TTLL6: variants seen among roughly 807,000 people sequenced by gnomAD.
TTLL6 encodes the protein tubulin polyglutamylase TTLL6.
TTLL6 carries 75 observed loss-of-function variants against 96.4 expected under a neutral mutation model. The observed-to-expected ratio is 0.78, with a 90% CI of 0.65 to 0.94. TTLL6 has a LOEUF of 0.94. Ranked by LOEUF, TTLL6 falls within the 40% of genes least tolerant of loss-of-function variation. The probability of loss-of-function intolerance (pLI) is 0.00; values close to 1 mark genes in which losing one functional copy is unlikely to be tolerated. For missense variants in TTLL6, 1,030 were observed against 1,093.0 expected, an observed-to-expected ratio of 0.94 and a Z score of 0.81; for synonymous variants, 411 against 419.4, an observed-to-expected ratio of 0.98 and a Z score of 0.24.
chr17:48,778,066 C>T (rs1368704884), intron 13 of TTLL6, among the ~76,000 whole-genome samples: 12 of 152,092 alleles, frequency 7.9e-5, no homozygotes, highest in Admixed American at 7.9e-4. Flanking sequence ...CACTTGAGGT[C>T]AGGGGTTCAA....
Position 48,769,235 on chromosome 17 carries a change from C to A in TTLL6, c.2430G>T (p.Gly810=). The part of the protein sequence containing the change: ...NNLSQNPSLP[G]ECHSRSDSSG... ...AGCTGTCACTGCGGGAGTGGCACTC[C>A]CCAGGCAGGGAGGGGTTTTCTGGAA... Residue 810 remains glycine, a synonymous_variant, in exon 15 of 16, where the codon GGG becomes GGT. Transcript: ENST00000393382. The A allele has an allele frequency of 6.2e-7, 1 of 1,605,292 alleles. No individual in the cohort carries two copies. The highest frequency in any genetic ancestry group is 1.1e-5 in the South Asian group (1 of 90,682).
At chr17:48,814,936 G>A (rs566306966) in intron 1 of TTLL6, among the ~76,000 whole-genome samples, 2 of 152,166 alleles carry the variant, frequency 1.3e-5, no homozygotes, top group East Asian at 1.9e-4. Flanking sequence ...GCACCACCAC[G>A]CCTGGCTAAT....
intron 6 of TTLL6, among the ~76,000 whole-genome samples, chr17:48,798,652 T>C (rs1272251805): frequency 6.6e-6 from 1 of 151,832 alleles, no homozygotes; most frequent in Non-Finnish European, 1.5e-5. Context: ...GGTGGGAGGA[T>C]TGCATGAACT....
chr17:48,806,193 G>A (rs1027535860), intron 1 of TTLL6: 1 of 151,130 alleles, frequency 6.6e-6, no homozygotes, highest in African/African-American at 2.4e-5. Context: ...AGAATCGCTT[G>A]AACCAGAAGG....
intron 11 of TTLL6, among the ~76,000 whole-genome samples, 153 bp from the exon 12 acceptor site, chr17:48,786,488 C>T (rs959615750): frequency 1.3e-5 from 2 of 152,188 alleles, no homozygotes; most frequent in Non-Finnish European, 2.9e-5. Flanking sequence ...GATTGAATGT[C>T]AAGGAGCAGG....
In TTLL6 at chr17:48,786,025, G is replaced by A. The variant is rs144603871; in HGVS notation, c.1761+139C>T. 1.4e-3 allele frequency: 1,778 copies of A among 1,291,106 alleles called. 28 individuals are homozygous for A. In the African/African-American group the frequency reaches 0.024, roughly 17 times the overall value. The allele number at this position is 1,291,106 out of a possible 1,614,324, so 80.0% of individuals were successfully genotyped here. On this transcript the variant is annotated intron_variant, in intron 12 of 15. Coordinates refer to ENST00000393382, the MANE Select transcript of TTLL6 (RefSeq NM_001130918.3). ...GTGTGCCTTCAGGGCTCCCCGCACCGCCCCGTCGTTGCCCAGCCCTCTGCA... is the reference window on the plus strand; with the variant it reads ...GTGTGCCTTCAGGGCTCCCCGCACCACCCCGTCGTTGCCCAGCCCTCTGCA...
chr17:48,806,983 T>C (rs1263902165), intron 1 of TTLL6, among the ~76,000 whole-genome samples: 2 of 151,966 alleles, frequency 1.3e-5, no homozygotes, highest in East Asian at 1.9e-4. Context: ...TGAGCCAAGA[T>C]TGCACTGTTG....
chr17:48,775,080 G>C (rs1331248639), intron 13 of TTLL6, among the ~76,000 whole-genome samples: 1 of 151,642 alleles, frequency 6.6e-6, no homozygotes, highest in Non-Finnish European at 1.5e-5. Context: ...CAAAGATCGT[G>C]CCACTGCACA....
intron 13 of TTLL6, among the ~76,000 whole-genome samples, chr17:48,782,523 T>G (rs1330889210): frequency 6.6e-6 from 1 of 152,200 alleles, no homozygotes; most frequent in Non-Finnish European, 1.5e-5. Flanking sequence ...GCCTTTACTG[T>G]GCAAAAGCTT....
intron 3 of TTLL6, among the ~76,000 whole-genome samples, chr17:48,802,213 C>T (rs1488989284): frequency 1.3e-5 from 2 of 152,068 alleles, no homozygotes; most frequent in Admixed American, 6.6e-5. Flanking sequence ...CAATGATCCC[C>T]GTAGAAGGTT....
In TTLL6 at chr17:48,801,596, C is replaced by G; in HGVS notation, c.409G>C (p.Asp137His). The change falls in exon 4 of 16, where the codon GAT becomes CAT. Residue 137 changes from aspartate (D) to histidine (H), a missense_variant. Physicochemically the swap from Asp to His is moderately conservative, Grantham distance 81. Transcript: ENST00000393382. The part of the protein sequence containing the change: ...QYGFREGGED[D>H]DWTLYWTDYS... Reference sequence around the variant, plus strand: ...TCTGTCCAATAGAGAGTCCAGTCATCGTCTTCCCCTCCCTCTCTAAAGCCG... The same window carrying G: ...TCTGTCCAATAGAGAGTCCAGTCATGGTCTTCCCCTCCCTCTCTAAAGCCG... 6.4e-7 allele frequency: 1 copy of G among 1,551,772 alleles called. No homozygotes were observed. The highest frequency in any genetic ancestry group is 8.7e-7 in the Non-Finnish European group (1 of 1,147,020).
At chr17:48,809,360 T>G (rs2039547884) in intron 1 of TTLL6, among the ~76,000 whole-genome samples, 1 of 152,188 alleles carries the variant, frequency 6.6e-6, no homozygotes, top group African/African-American at 2.4e-5. Context: ...GGTAAACGGC[T>G]AGCTCCACTC....
intron 1 of TTLL6, among the ~76,000 whole-genome samples, chr17:48,814,318 C>CA (rs398030988): frequency 0.53 from 27,713 of 52,750 alleles, 7,863 homozygotes; most frequent in East Asian, 0.89. Context: ...GACAGTGTCT[C>CA]AAAAAAAAAA....
intron 1 of TTLL6, chr17:48,815,420 T>C (rs982428486): frequency 1.3e-5 from 2 of 152,162 alleles, no homozygotes; most frequent in African/African-American, 4.8e-5. Flanking sequence ...TCAAATTGGA[T>C]GGGGGAAGAA....
At chr17:48,764,646 C>T (rs1177338552) in intron 15 of TTLL6, among the ~76,000 whole-genome samples, 2 of 152,128 alleles carry the variant, frequency 1.3e-5, no homozygotes, top group African/African-American at 4.8e-5. Context: ...TGTGCAGAAG[C>T]CCTCTTTTCA....
intron 8 of TTLL6, chr17:48,794,221 G>A (rs765361511): frequency 7.4e-6 from 12 of 1,614,064 alleles, no homozygotes; most frequent in East Asian, 2.2e-5. Context: ...CTGCTACCCC[G>A]AGACACCCCT....
chr17:48,804,892 T>TC lies in TTLL6; in HGVS notation c.202dup (p.Asp68GlyfsTer52). 6.4e-7 allele frequency: 1 copy of TC among 1,552,194 alleles called. No homozygotes were observed. Among genetic ancestry groups the TC allele is most frequent in the Non-Finnish European group, 8.7e-7 (1 of 1,147,090 alleles). ...TTCTTTTGGATCTTCTTTGGAACTG[T>TC]CCCCCTTCTCTTCGGAGTTTTCCCC... On this transcript the variant is annotated frameshift_variant, in exon 2 of 16. Transcript: ENST00000393382. LOFTEE classifies it high-confidence loss of function.
intron 1 of TTLL6, chr17:48,812,078 C>CACT (rs1259107242): frequency 9.3e-6 from 1 of 107,952 alleles, no homozygotes; most frequent in African/African-American, 3.5e-5. Flanking sequence ...CCCCCCCCAC[C>CACT]CCCCGCTCAG....
intron 2 of TTLL6, 121 bp downstream of exon 2, chr17:48,804,651 T>C (rs902944099): frequency 6.1e-6 from 5 of 816,638 alleles, no homozygotes; most frequent in Non-Finnish European, 9.9e-6. Context: ...TGGTGAGATG[T>C]TGACAGTCTC....
Sources: allele counts gnomAD v4.1 joint callset (sites outside exome capture counted in the v4.1 genomes callset), GRCh38; gene constraint gnomAD v4.1.1; transcripts MANE v1.5; gene names NCBI Gene and HGNC (gene_info 2026-07-23, HGNC 2026-07-21).